Variants in ZNF343 observed in about 807,000 individuals in gnomAD.
The protein encoded by ZNF343 is zinc finger protein 343.
A neutral mutation model predicts 13.8 loss-of-function variants in ZNF343; 11 were observed. The ratio of observed to expected loss-of-function variants is 0.80; its 90% CI spans 0.50 to 1.32. The LOEUF is 1.32. Ranked by LOEUF, ZNF343 falls within the 40% of genes most tolerant of loss-of-function variation. ZNF343 has a pLI of 0.00. For missense variants in ZNF343, 658 were observed against 714.2 expected (o/e 0.92, Z 0.90); for synonymous variants, 248 against 260.0 (o/e 0.95, Z 0.44).
In ZNF343 at chr20:2,493,510, C is replaced by G; in HGVS notation, c.177+9G>C. 6.2e-7 allele frequency: 1 copy of G among 1,613,318 alleles called. No homozygotes were observed. The highest frequency in any genetic ancestry group is 1.1e-5 in the South Asian group (1 of 91,062). ...TTCAGGAAAAAAAAAAAATGTAACCCCAACTCACCACTATTTGGGCCTTTC... is the reference window on the plus strand; with the variant it reads ...TTCAGGAAAAAAAAAAAATGTAACCGCAACTCACCACTATTTGGGCCTTTC... On this transcript the variant is annotated intron_variant, in intron 4 of 5. Transcript: ENST00000278772.
intron 1 of ZNF343, among the ~76,000 whole-genome samples, chr20:2,517,366 G>A (rs1200987186): frequency 6.6e-6 from 1 of 151,164 alleles, no homozygotes; most frequent in Non-Finnish European, 1.5e-5. Context: ...GTATATGTGT[G>A]TATATATATA....
At chr20:2,520,507 C>T (rs1001570296) in intron 1 of ZNF343, among the ~76,000 whole-genome samples, 31 of 152,164 alleles carry the variant, frequency 2.0e-4, no homozygotes, top group African/African-American at 6.8e-4. Context: ...ATATGTGCTA[C>T]CTATGCCTAG....
chr20:2,501,813 T>G lies in ZNF343; in HGVS notation c.-236-1071A>C, dbSNP rs993991007. On this transcript the variant is annotated intron_variant, in intron 1 of 5. Transcript: ENST00000278772. The stretch of plus-strand genomic sequence containing the variant: ...CATCCACACCAAAACCCCATCTGTA[T>G]GTCACTATCATCAAAGACCAAAGGT... 1.2e-4 allele frequency among the ~76,000 whole-genome samples: 19 copies of G among 152,240 alleles called. 1 individual carries two copies. The highest frequency in any genetic ancestry group is 1.2e-3 in the Admixed American group (18 of 15,282).
chr20:2,493,840 A>G lies in ZNF343; in HGVS notation c.56T>C (p.Leu19Pro), dbSNP rs2085412067. ...LGDQYWEEIL[L>P]PKNGENVETM... ...CTCTACATTTTCCCCATTCTTTGGA[A>G]GCAAAATCTCTTCCCAGTATTGATC... Residue 19 changes from leucine to proline, a missense_variant, in exon 3 of 6, where the codon CTT (leucine) becomes CCT (proline). Physicochemically the swap from Leu to Pro is moderately conservative, Grantham distance 98. Transcript: ENST00000278772. 6.2e-7 allele frequency: 1 copy of G among 1,614,022 alleles called. No individual in the cohort carries two copies. Among genetic ancestry groups the G allele is most frequent in the East Asian group, 2.2e-5 (1 of 44,868 alleles).
intron 5 of ZNF343, among the ~76,000 whole-genome samples, chr20:2,490,245 T>C (rs148949298): frequency 6.4e-4 from 98 of 152,192 alleles, no homozygotes; most frequent in Non-Finnish European, 1.1e-3. Context: ...CTCATTCAAG[T>C]TCTCAAATTG....
chr20:2,524,211 G>A (rs147675470), intron 1 of ZNF343, among the ~76,000 whole-genome samples: 279 of 151,132 alleles, frequency 1.8e-3, no homozygotes, highest in Non-Finnish European at 3.5e-3. Context: ...TAGCTACTTG[G>A]GAGGCTTAGG....
chr20:2,493,055 T>C (rs2085392922), intron 4 of ZNF343: 2 of 549,484 alleles, frequency 3.6e-6, no homozygotes, highest in Middle Eastern at 4.9e-4. Flanking sequence ...TTGACATATA[T>C]GATTTCACCG....
chr20:2,499,236 T>C (rs540162929), intron 2 of ZNF343, among the ~76,000 whole-genome samples: 1,781 of 145,160 alleles, frequency 0.012, 17 homozygotes, highest in Non-Finnish European at 0.02. Flanking sequence ...GAGGCCGAGG[T>C]GGGCGGATCA....
At position 2,483,460 on chromosome 20, in the gene ZNF343, C is replaced by G. The variant is rs371615714; in HGVS notation, c.1501G>C (p.Gly501Arg). ...ATGAGATTTGACTTCTGGCTAAAAC[C>G]TCGCCTACACTCCCTGCAGACATAA... ...KHYVCRECRRGFSQKSNLIRH... is the reference protein window; with the variant it reads ...KHYVCRECRRRFSQKSNLIRH... Residue 501 changes from glycine (G) to arginine (R), a missense_variant, in exon 6 of 6, where the codon GGT (glycine) becomes CGT (arginine). Physicochemically the swap from Gly to Arg is moderately radical, Grantham distance 125 (BLOSUM62 -2). Transcript: ENST00000278772. The G allele has an allele frequency of 2.7e-5, 44 of 1,609,244 alleles. 1 individual carries two copies. The African/African-American group carries it at 5.7e-4, about 21-fold the overall frequency.
intron 1 of ZNF343, among the ~76,000 whole-genome samples, chr20:2,522,637 T>G (rs2085787461): frequency 6.6e-6 from 1 of 152,234 alleles, no homozygotes; most frequent in South Asian, 2.1e-4. Flanking sequence ...CGACTCATAA[T>G]AAGAAGTTAC....
intron 5 of ZNF343, among the ~76,000 whole-genome samples, chr20:2,487,689 G>A (rs1389342948): frequency 6.6e-6 from 1 of 152,210 alleles, no homozygotes; most frequent in East Asian, 1.9e-4. Flanking sequence ...ATTCCTATAG[G>A]TAGGATTGCC....
chr20:2,500,286 G>A (rs1160122628), intron 2 of ZNF343, among the ~76,000 whole-genome samples: 2 of 152,162 alleles, frequency 1.3e-5, no homozygotes, highest in Non-Finnish European at 2.9e-5. Flanking sequence ...CTTTCAAATT[G>A]TTGAGAGTTT....
upstream of ZNF343, among the ~76,000 whole-genome samples, chr20:2,510,445 TTTA>T (rs1187503297): frequency 6.6e-6 from 1 of 152,238 alleles, no homozygotes; most frequent in African/African-American, 2.4e-5. Context: ...AGATTTTGTT[TTTA>T]TTTTCTCCAA....
rs1200303097 is a variant in ZNF343 at position 2,508,133 on chromosome 20, C to T, written c.-237+748G>A. Among the ~76,000 whole-genome samples, 1 of 152,076 alleles carries T rather than the reference C, an allele frequency of 6.6e-6. No individual in the cohort carries two copies. Among genetic ancestry groups the T allele is most frequent in the Non-Finnish European group, 1.5e-5 (1 of 68,010 alleles). Reference sequence around the variant, plus strand: ...ACCTGCCCCCATTCAAAAGAGCTGCCTAGATGCCTGTCAGAGTGATACAGC... The same window carrying T: ...ACCTGCCCCCATTCAAAAGAGCTGCTTAGATGCCTGTCAGAGTGATACAGC... On this transcript the variant is annotated intron_variant, in intron 1 of 5. Transcript: ENST00000278772. This position sits in a 1 kb window ranked among gnomAD's most constrained non-coding sequence, Gnocchi z 4.5.
At chr20:2,499,157 G>A (rs2122659920) in intron 2 of ZNF343, among the ~76,000 whole-genome samples, 1 of 150,954 alleles carries the variant, frequency 6.6e-6, no homozygotes, top group Admixed American at 6.6e-5. Flanking sequence ...GGACAGAGTT[G>A]GAGGTAGGTA....
At chr20:2,485,087 TC>T (rs1360838394) in intron 5 of ZNF343, among the ~76,000 whole-genome samples, 1 of 152,148 alleles carries the variant, frequency 6.6e-6, no homozygotes, top group Non-Finnish European at 1.5e-5. Context: ...CTGGAGGGCT[TC>T]CGAATGTAGG....
chr20:2,494,389 T>G (rs767652980), intron 2 of ZNF343, among the ~76,000 whole-genome samples: 6 of 152,134 alleles, frequency 3.9e-5, no homozygotes, highest in Admixed American at 6.5e-5. Context: ...AAAGAGCCTC[T>G]GACTGTTTCC....
At chr20:2,485,636 CA>C (rs1295955906) in intron 5 of ZNF343, among the ~76,000 whole-genome samples, 1 of 152,238 alleles carries the variant, frequency 6.6e-6, no homozygotes, top group African/African-American at 2.4e-5. Context: ...TCCCCCTTGC[CA>C]AACTATACAG....
Position 2,484,437 on chromosome 20 carries a change from C to T in ZNF343, c.524G>A (p.Gly175Asp). ...FENAEGQERGGGSKPWSARTE... is the reference protein window; with the variant it reads ...FENAEGQERGDGSKPWSARTE... Reference sequence around the variant, plus strand: ...CCTTGCAGACCAGGGTTTGGAGCCACCTCCTCTCTCCTGACCTTCTGCATT... The same window carrying T: ...CCTTGCAGACCAGGGTTTGGAGCCATCTCCTCTCTCCTGACCTTCTGCATT... The change falls in exon 6 of 6, where the codon GGT becomes GAT. Residue 175 changes from glycine (G) to aspartate (D), a missense_variant. By Grantham distance (94) the Gly-to-Asp change is moderately conservative. Transcript: ENST00000278772. The T allele has an allele frequency of 1.2e-6, 2 of 1,614,194 alleles. No individual in the cohort carries two copies. The highest frequency in any genetic ancestry group is 1.7e-6 in the Non-Finnish European group (2 of 1,180,044).
Sources: allele counts gnomAD v4.1 joint callset (sites outside exome capture counted in the v4.1 genomes callset), GRCh38; gene constraint gnomAD v4.1.1; non-coding constraint Gnocchi (gnomAD v3.1); transcripts MANE v1.5; gene names NCBI Gene and HGNC (gene_info 2026-07-23, HGNC 2026-07-21).